Variants in UBE4B observed in about 807,000 individuals in gnomAD.
The protein encoded by UBE4B is ubiquitin conjugation factor E4 B.
Under a neutral mutation model 148.1 loss-of-function variants are expected in UBE4B, and 27 were observed. The observed-to-expected ratio is 0.18, with a 90% CI of 0.13 to 0.25. The LOEUF (loss-of-function observed/expected upper bound fraction) is 0.25, where lower values mean the gene tolerates loss of function less well. Ranked by LOEUF, UBE4B falls within the 10% of genes least tolerant of loss-of-function variation. The pLI, the probability that UBE4B is intolerant of heterozygous loss-of-function variation, is 1.00. For missense variants in UBE4B, 1,170 were observed against 1,662.4 expected (o/e 0.70, Z 5.15); for synonymous variants, 596 against 619.3 (o/e 0.96, Z 0.56).
chr1:10,146,064 G>A (rs2101976238), intron 18 of UBE4B, among the ~76,000 whole-genome samples: 1 of 152,282 alleles, frequency 6.6e-6, no homozygotes, highest in East Asian at 1.9e-4. Flanking sequence ...TAATAGACTA[G>A]ACTTCTTCAA....
chr1:10,114,163 A>G (rs1363678770), intron 7 of UBE4B, among the ~76,000 whole-genome samples: 1 of 152,116 alleles, frequency 6.6e-6, no homozygotes, highest in Non-Finnish European at 1.5e-5. Flanking sequence ...ATAGAGTTTC[A>G]TATTTTCATT....
chr1:10,086,035 A>G (rs1316289049), intron 2 of UBE4B, among the ~76,000 whole-genome samples: 4 of 150,738 alleles, frequency 2.7e-5, no homozygotes, highest in African/African-American at 4.9e-5. Flanking sequence ...GCAGTGGCAC[A>G]ATCTCCGCTT....
In UBE4B at chr1:10,137,189, A is replaced by G. The variant is rs565863201; in HGVS notation, c.2347A>G (p.Ile783Val). 5.6e-6 allele frequency: 9 copies of G among 1,614,052 alleles called. No homozygotes were observed. The highest frequency in any genetic ancestry group is 5.5e-5 in the South Asian group (5 of 91,078). ...TCGCTATATCCGCAGACTCCGGGCT[A>G]TCCGGGAGCTCAATAGGTATGTGCC... Reference protein sequence around the residue: ...CRRYIRRLRAIRELNRTVEDL... With the variant: ...CRRYIRRLRAVRELNRTVEDL... Residue 783 changes from isoleucine to valine, a missense_variant, in exon 17 of 28, where the codon ATC (isoleucine) becomes GTC (valine). Ile to Val is a conservative substitution (Grantham distance 29). This residue lies in a region of UBE4B where 388 missense variants were observed against 536.0 expected (regional missense o/e 0.72). Coordinates refer to ENST00000343090, the MANE Select transcript of UBE4B (RefSeq NM_001105562.3).
intron 25 of UBE4B, among the ~76,000 whole-genome samples, chr1:10,177,009 G>A (rs1322675565): frequency 2.0e-5 from 3 of 150,142 alleles, no homozygotes; most frequent in African/African-American, 7.3e-5. Context: ...GGATGGTCTC[G>A]ATCTCCTGAC....
intron 7 of UBE4B, among the ~76,000 whole-genome samples, chr1:10,110,202 T>C (rs921988707): frequency 6.6e-6 from 1 of 152,248 alleles, no homozygotes; most frequent in Non-Finnish European, 1.5e-5. Context: ...TTCGATGTCT[T>C]ATAAATCTTT....
Position 10,179,494 on chromosome 1 carries a change from G to A in UBE4B, c.3779G>A (p.Arg1260Gln). The A allele has an allele frequency of 6.2e-7, 1 of 1,613,904 alleles. No individual in the cohort carries two copies. Among genetic ancestry groups the A allele is most frequent in the Non-Finnish European group, 8.5e-7 (1 of 1,180,018 alleles). The change falls in exon 27 of 28, where the codon CGG becomes CAG. Residue 1260 changes from arginine to glutamine, a missense_variant. Physicochemically the swap from Arg to Gln is conservative, Grantham distance 43 (BLOSUM62 1). This residue lies in a region of UBE4B where 348 missense variants were observed against 627.2 expected (regional missense o/e 0.55). Transcript: ENST00000343090. ...ATCATGGACCGCTCCATCATCCTGCGGCACCTGCTCAACTCCCCCACGGAC... is the reference window on the plus strand; with the variant it reads ...ATCATGGACCGCTCCATCATCCTGCAGCACCTGCTCAACTCCCCCACGGAC... The part of the protein sequence containing the change: ...GTIMDRSIIL[R>Q]HLLNSPTDPF...
At chr1:10,165,939 CA>C (rs1299773485) in intron 23 of UBE4B, among the ~76,000 whole-genome samples, 2 of 152,144 alleles carry the variant, frequency 1.3e-5, no homozygotes, top group Admixed American at 1.3e-4. Context: ...CTCCAGTGCC[CA>C]AAGGCTGTAG....
chr1:10,054,973 A>T (rs576724905), intron 1 of UBE4B, among the ~76,000 whole-genome samples: 1 of 151,958 alleles, frequency 6.6e-6, no homozygotes, highest in South Asian at 2.1e-4. Context: ...TTTAATAGAG[A>T]TGGGGTTTCT....
intron 1 of UBE4B, among the ~76,000 whole-genome samples, chr1:10,035,529 T>A (rs1356397826): frequency 2.0e-5 from 3 of 147,010 alleles, no homozygotes; most frequent in African/African-American, 7.5e-5. Flanking sequence ...CCGGAGTAGC[T>A]GGGACTACAA....
At chr1:10,052,727 T>C (rs952136944) in intron 1 of UBE4B, among the ~76,000 whole-genome samples, 2 of 152,214 alleles carry the variant, frequency 1.3e-5, no homozygotes, top group African/African-American at 4.8e-5. Context: ...TGTCATTGAC[T>C]TTTTCTGTGT....
chr1:10,102,928 C>T lies in UBE4B; in HGVS notation c.436-20C>T. ...ATACCTCTTATTTGAAATTAACCTG[C>T]AAATCTTCTTCTTCACCAGGAGCCT... On this transcript the variant is annotated intron_variant, in intron 4 of 27. Coordinates refer to ENST00000343090, the MANE Select transcript of UBE4B (RefSeq NM_001105562.3). 1 of 1,591,826 alleles carries T rather than the reference C, an allele frequency of 6.3e-7. No homozygotes were observed. Among genetic ancestry groups the T allele is most frequent in the Non-Finnish European group, 8.6e-7 (1 of 1,164,862 alleles).
rs1645660659 is a variant in UBE4B at position 10,135,243 on chromosome 1, A to G, written c.2224+57A>G. The G allele has an allele frequency of 4.0e-6, 6 of 1,507,576 alleles. No homozygotes were observed. In the Admixed American group the frequency reaches 5.7e-5, roughly 14 times the overall value. 93.4% of individuals were successfully genotyped at this position (1,507,576 alleles called of 1,614,324 possible). On this transcript the variant is annotated intron_variant, in intron 16 of 27. Coordinates refer to ENST00000343090, the MANE Select transcript of UBE4B (RefSeq NM_001105562.3). ...AACACTGCCCTCTTGTCTGTGTGCT[A>G]GTAGTTCCTCACAGATTGTTACCAC...
intron 25 of UBE4B, among the ~76,000 whole-genome samples, chr1:10,175,791 A>G (rs925525015): frequency 6.6e-6 from 1 of 152,218 alleles, no homozygotes; most frequent in African/African-American, 2.4e-5. Flanking sequence ...TGCGTCTCAC[A>G]AATGTAATGC....
At chr1:10,108,157 G>A (rs1431314158) in intron 7 of UBE4B, among the ~76,000 whole-genome samples, 1 of 151,974 alleles carries the variant, frequency 6.6e-6, no homozygotes, top group Non-Finnish European at 1.5e-5. Flanking sequence ...GTGTGTGTGT[G>A]TGTGTGTGTG....
intron 1 of UBE4B, among the ~76,000 whole-genome samples, chr1:10,043,587 T>A (rs1220741051): frequency 1.3e-5 from 2 of 151,624 alleles, no homozygotes; most frequent in Non-Finnish European, 3.0e-5. Context: ...CCACCAAGCC[T>A]GACTAATTTT....
At chr1:10,057,409 C>T (rs1644194511) in intron 1 of UBE4B, among the ~76,000 whole-genome samples, 1 of 149,946 alleles carries the variant, frequency 6.7e-6, no homozygotes, top group South Asian at 2.1e-4. Context: ...ATACCATTTA[C>T]AGTCTTTTCT....
chr1:10,136,949 A>T (rs1166799133), intron 16 of UBE4B, 118 bp from the exon 17 acceptor site: 15 of 1,130,680 alleles, frequency 1.3e-5, no homozygotes, highest in Non-Finnish European at 1.9e-5. Context: ...ATAAACAAAT[A>T]AAAAGTATCT....
intron 7 of UBE4B, among the ~76,000 whole-genome samples, chr1:10,112,052 G>A (rs1040181943): frequency 1.3e-5 from 2 of 152,134 alleles, no homozygotes; most frequent in Admixed American, 1.3e-4. Context: ...AAACAGAGTC[G>A]CTTTAAGAGC....
At chr1:10,088,921 C>T (rs1644803576) in intron 2 of UBE4B, among the ~76,000 whole-genome samples, 1 of 152,166 alleles carries the variant, frequency 6.6e-6, no homozygotes, top group African/African-American at 2.4e-5. Context: ...TCAAGCGATC[C>T]TCCCACCTCA....
Sources: gnomAD v4.1 joint callset for allele counts (sites outside exome capture counted in the v4.1 genomes callset) on GRCh38, gnomAD v4.1.1 for gene constraint, gnomAD v4.1.1 regional missense constraint, MANE v1.5 for transcripts, NCBI Gene and HGNC (gene_info 2026-07-23, HGNC 2026-07-21) for gene names.